Variants in UBR1 observed in about 807,000 individuals in gnomAD.
The protein encoded by UBR1 is ubiquitin protein ligase E3 component n-recognin 1.
In UBR1, 102 loss-of-function variants were observed where a neutral mutation model predicts 242.1. That is an observed-to-expected ratio of 0.42 (90% CI 0.36 to 0.50). UBR1 has a LOEUF of 0.50. UBR1 is among the 20% of genes least tolerant of loss of function. UBR1 has a pLI of 0.01. For missense variants in UBR1, 1,772 were observed against 2,101.8 expected (o/e 0.84, Z 3.07); for synonymous variants, 675 against 684.8 (o/e 0.99, Z 0.22).
intron 6 of UBR1, among the ~76,000 whole-genome samples, chr15:43,062,333 GTA>G (rs200881403): frequency 6.6e-6 from 1 of 151,642 alleles, no homozygotes; most frequent in Non-Finnish European, 1.5e-5. Context: ...GTATATATGT[GTA>G]TATATATATA....
chr15:43,037,753 A>T lies in UBR1; in HGVS notation c.2022+20T>A, dbSNP rs201403787. ...GAAAATGAGCACATTCATAAATATGAATAATAGACTTTGCTGTACCTGGCT... is the reference window on the plus strand; with the variant it reads ...GAAAATGAGCACATTCATAAATATGTATAATAGACTTTGCTGTACCTGGCT... On this transcript the variant is annotated intron_variant, in intron 17 of 46. Coordinates refer to ENST00000290650, the MANE Select transcript of UBR1 (RefSeq NM_174916.3). 7.0e-5 allele frequency: 112 copies of T among 1,604,942 alleles called. No individual in the cohort carries two copies. The highest frequency in any genetic ancestry group is 9.6e-5 in the Non-Finnish European group (112 of 1,171,880).
At chr15:43,091,906 CAAAAAAAAAAAAAAAAAAAA>C (rs58586323) in intron 1 of UBR1, 1 of 147,526 alleles carries the variant, frequency 6.8e-6, no homozygotes, top group Non-Finnish European at 1.2e-5. Flanking sequence ...TACACCATCT[CAAAAAAAAAAAAAAAAAAAA>C]AAAAAAAAAA....
rs111557528 is a variant in UBR1 at position 43,045,087 on chromosome 15, T to C, written c.1669-1692A>G. 5.0e-3 allele frequency among the ~76,000 whole-genome samples: 755 copies of C among 152,144 alleles called. 4 individuals carry two copies. The highest frequency in any genetic ancestry group is 9.1e-3 in the Non-Finnish European group (622 of 67,996). On this transcript the variant is annotated intron_variant, in intron 14 of 46. Transcript: ENST00000290650. ...ATGGATGAATTTAATAGTAATGTCA[T>C]TAATAAAACAAGGATAATCAAAATG...
chr15:43,039,588 T>C (rs2033389181), intron 15 of UBR1, among the ~76,000 whole-genome samples: 1 of 152,188 alleles, frequency 6.6e-6, no homozygotes, highest in Non-Finnish European at 1.5e-5. Flanking sequence ...GCTGAGACGA[T>C]GGGGTTTTAT....
intron 14 of UBR1, among the ~76,000 whole-genome samples, chr15:43,045,036 A>G (rs938903947): frequency 4.6e-5 from 7 of 152,258 alleles, no homozygotes; most frequent in African/African-American, 7.2e-5. Flanking sequence ...GAACATATAG[A>G]AAACAGTGGC....
At chr15:43,010,891 G>C (rs1276146298) in intron 29 of UBR1, among the ~76,000 whole-genome samples, 1 of 151,742 alleles carries the variant, frequency 6.6e-6, no homozygotes, top group Non-Finnish European at 1.5e-5. Flanking sequence ...TCAGGAGGTG[G>C]AGAAGGGAGA....
intron 37 of UBR1, 43 bp downstream of exon 37, chr15:42,983,854 A>G (rs1436594604): frequency 8.6e-7 from 1 of 1,168,008 alleles, no homozygotes; most frequent in Admixed American, 2.8e-5. Flanking sequence ...AAAAAGATAT[A>G]TAAATAATAT....
At chr15:43,034,005 C>T (rs1171836324) in intron 19 of UBR1, among the ~76,000 whole-genome samples, 5 of 151,846 alleles carry the variant, frequency 3.3e-5, no homozygotes, top group African/African-American at 9.7e-5. Flanking sequence ...TTTGGAAGGC[C>T]GAGGCGGGTG....
intron 42 of UBR1, among the ~76,000 whole-genome samples, chr15:42,962,974 G>C (rs539298086): frequency 9.9e-5 from 15 of 152,266 alleles, no homozygotes; most frequent in South Asian, 4.2e-4. Context: ...AAGATACAGA[G>C]GGCAAGGACT....
At chr15:43,011,552 T>C (rs926490104) in intron 29 of UBR1, among the ~76,000 whole-genome samples, 2 of 152,212 alleles carry the variant, frequency 1.3e-5, no homozygotes, top group Non-Finnish European at 2.9e-5. Flanking sequence ...TAGTACTAAA[T>C]AGCAATTGGG....
rs896198489 is a variant in UBR1 at position 43,023,874 on chromosome 15, C to T, written c.2739+955G>A. On this transcript the variant is annotated intron_variant, in intron 25 of 46. Transcript: ENST00000290650. ...TAGGAATTAGTATGACAAATACGCT[C>T]CCTTAGGTATGCAAAAACATTTGTA... Among the ~76,000 whole-genome samples, 7 of 152,194 alleles carry T rather than the reference C, an allele frequency of 4.6e-5. No individual in the cohort carries two copies. In the East Asian group the frequency reaches 1.4e-3, roughly 29 times the overall value.
At chr15:42,961,355 A>G (rs1452445512) in intron 42 of UBR1, among the ~76,000 whole-genome samples, 1 of 150,102 alleles carries the variant, frequency 6.7e-6, no homozygotes, top group African/African-American at 2.5e-5. Context: ...TCAGGTGATC[A>G]GCCTGCCTCG....
chr15:42,945,221 A>G lies in UBR1; in HGVS notation c.*108T>C. 1 of 1,483,374 alleles carries G rather than the reference A, an allele frequency of 6.7e-7. No homozygotes were observed. Among genetic ancestry groups the G allele is most frequent in the Non-Finnish European group, 9.3e-7 (1 of 1,073,642 alleles). 91.9% of individuals were successfully genotyped at this position (1,483,374 alleles called of 1,614,324 possible). ...TTGATGTAAGTGAACCTGGACATGG[A>G]GCAAAAGACCCTCCAATACTTTCCC... On this transcript the variant is annotated 3_prime_UTR_variant, in exon 47 of 47. Transcript: ENST00000290650.
chr15:42,990,791 A>C (rs1192749183), intron 33 of UBR1, among the ~76,000 whole-genome samples: 1 of 152,172 alleles, frequency 6.6e-6, no homozygotes, highest in Non-Finnish European at 1.5e-5. Flanking sequence ...ATAAGAGTAA[A>C]TGATCTGAAG....
At chr15:42,976,901 T>C (rs1167227727) in intron 38 of UBR1, 34 bp from the exon 39 acceptor site, 2 of 1,605,402 alleles carry the variant, frequency 1.2e-6, no homozygotes, top group Middle Eastern at 1.7e-4. Flanking sequence ...ATATGGCTAA[T>C]GATAAAAGAC....
intron 1 of UBR1, among the ~76,000 whole-genome samples, chr15:43,094,259 A>C (rs2034135179): frequency 6.6e-6 from 1 of 151,966 alleles, no homozygotes; most frequent in Admixed American, 6.6e-5. Context: ...ATGAAACCTC[A>C]TCTCTACTAA....
chr15:43,041,207 T>C (rs1474760339), intron 15 of UBR1, among the ~76,000 whole-genome samples: 1 of 152,120 alleles, frequency 6.6e-6, no homozygotes, highest in Non-Finnish European at 1.5e-5. Flanking sequence ...TGTCCATCAA[T>C]GATAGACTGG....
intron 1 of UBR1, among the ~76,000 whole-genome samples, chr15:43,102,088 C>T (rs543926833): frequency 1.8e-4 from 27 of 151,900 alleles, no homozygotes; most frequent in East Asian, 1.9e-4. Context: ...TGCAATGAGC[C>T]GAGATCATAC....
intron 19 of UBR1, among the ~76,000 whole-genome samples, chr15:43,034,593 G>A (rs1455123498): frequency 6.6e-6 from 1 of 152,122 alleles, no homozygotes; most frequent in Admixed American, 6.6e-5. Context: ...TGTATTAAGA[G>A]CCTGAAGAAA....
Sources: allele counts gnomAD v4.1 joint callset (sites outside exome capture counted in the v4.1 genomes callset), GRCh38; gene constraint gnomAD v4.1.1; transcripts MANE v1.5; gene names NCBI Gene and HGNC (gene_info 2026-07-23, HGNC 2026-07-21).